Variants in NRXN3 observed in about 807,000 individuals in gnomAD.
NRXN3 encodes the protein neurexin 3, also known as neurexin III.
A neutral mutation model predicts 137.6 loss-of-function variants in NRXN3; 32 were observed. The observed-to-expected ratio is 0.23, with a 90% CI of 0.18 to 0.31. The LOEUF (loss-of-function observed/expected upper bound fraction) is 0.31. Ranked by LOEUF, NRXN3 falls within the 10% of genes least tolerant of loss-of-function variation. The probability of loss-of-function intolerance (pLI) is 1.00; values close to 1 mark genes in which losing one functional copy is unlikely to be tolerated. For missense variants in NRXN3, 1,574 were observed against 2,062.5 expected, an observed-to-expected ratio of 0.76 and a Z score of 4.59; for synonymous variants, 798 against 784.5, an observed-to-expected ratio of 1.02 and a Z score of -0.29.
chr14:79,101,180 A>G (rs1433182121), intron 15 of NRXN3, among the ~76,000 whole-genome samples: 1 of 152,180 alleles, frequency 6.6e-6, no homozygotes, highest in African/African-American at 2.4e-5. Flanking sequence ...GCCATGTCGA[A>G]AAGGAGGGGA....
chr14:79,370,763 T>C (rs1258417809), intron 15 of NRXN3, among the ~76,000 whole-genome samples: 2 of 152,196 alleles, frequency 1.3e-5, no homozygotes, highest in Non-Finnish European at 2.9e-5. Flanking sequence ...ACTTTCTTCT[T>C]CTTTTCAATA....
chr14:79,226,841 A>G (rs1433014767), intron 15 of NRXN3, among the ~76,000 whole-genome samples: 4 of 111,352 alleles, frequency 3.6e-5, no homozygotes, highest in South Asian at 2.7e-4. Flanking sequence ...TTTGAGACAG[A>G]GTCTTGCTCT....
intron 6 of NRXN3, chr14:78,698,293 C>G (rs1233096309): frequency 1.3e-5 from 2 of 152,046 alleles, no homozygotes; most frequent in East Asian, 3.8e-4. Flanking sequence ...CTTAAAGGTT[C>G]TATTTCATTG....
intron 15 of NRXN3, among the ~76,000 whole-genome samples, chr14:79,004,415 T>C (rs974548532): frequency 6.6e-6 from 1 of 152,214 alleles, no homozygotes; most frequent in African/African-American, 2.4e-5. Context: ...CCAGCTACTT[T>C]GGCATTTTTG....
intron 16 of NRXN3, among the ~76,000 whole-genome samples, chr14:79,499,854 G>A (rs929716494): frequency 2.6e-5 from 4 of 151,728 alleles, no homozygotes. Flanking sequence ...TTGTTCATTT[G>A]TTCATTCATT....
intron 4 of NRXN3, among the ~76,000 whole-genome samples, chr14:78,608,560 A>G (rs74064320): frequency 0.036 from 5,496 of 152,302 alleles, 354 homozygotes; most frequent in African/African-American, 0.13. Context: ...ACCAACAAGG[A>G]AAACCTTCTT....
chr14:78,303,492 T>C (rs908656267), intron 4 of NRXN3, among the ~76,000 whole-genome samples: 3 of 152,160 alleles, frequency 2.0e-5, no homozygotes, highest in Non-Finnish European at 2.9e-5. Context: ...AAAGTGAAAA[T>C]AAAGCAAAAT....
chr14:79,017,322 A>G (rs2099580978), intron 15 of NRXN3, among the ~76,000 whole-genome samples: 1 of 151,694 alleles, frequency 6.6e-6, no homozygotes, highest in Non-Finnish European at 1.5e-5. Context: ...GGTTACCACA[A>G]AATACGTAAT....
intron 16 of NRXN3, among the ~76,000 whole-genome samples, chr14:79,659,190 C>T (rs1261438411): frequency 8.4e-6 from 1 of 119,174 alleles, no homozygotes; most frequent in Non-Finnish European, 1.5e-5. Context: ...CTGTGCTGTT[C>T]AGTTTTTTTT....
At chr14:79,261,581 TC>T (rs1364214454) in intron 15 of NRXN3, among the ~76,000 whole-genome samples, 1 of 119,222 alleles carries the variant, frequency 8.4e-6, no homozygotes, top group Non-Finnish European at 1.6e-5. Context: ...TGAGATGAAA[TC>T]CCACAGATAA....
At chr14:78,826,568 T>C (rs2098967401) in intron 10 of NRXN3, among the ~76,000 whole-genome samples, 1 of 152,222 alleles carries the variant, frequency 6.6e-6, no homozygotes, top group South Asian at 2.1e-4. Context: ...ACTGCACTGG[T>C]TGCATACCTT....
intron 15 of NRXN3, among the ~76,000 whole-genome samples, chr14:79,160,434 C>T (rs2060651577): frequency 6.6e-6 from 1 of 151,910 alleles, no homozygotes. Flanking sequence ...CACCTGCATC[C>T]TCACACATCG....
intron 6 of NRXN3, among the ~76,000 whole-genome samples, chr14:78,681,129 C>G (rs2098070939): frequency 6.6e-6 from 1 of 152,144 alleles, no homozygotes; most frequent in Non-Finnish European, 1.5e-5. Context: ...TCAATTCTTT[C>G]TATGACACAG....
intron 19 of NRXN3, among the ~76,000 whole-genome samples, chr14:79,714,664 A>T (rs1027110491): frequency 2.0e-5 from 3 of 152,172 alleles, no homozygotes; most frequent in African/African-American, 7.2e-5. Context: ...ATTACATAAA[A>T]CAATGCCAGT....
At chr14:78,714,701 T>C in intron 7 of NRXN3, 55 bp from the exon 8 acceptor site, 1 of 1,585,550 alleles carries the variant, frequency 6.3e-7, no homozygotes, top group Non-Finnish European at 8.6e-7. Context: ...GTTAGGTTTC[T>C]TACATTTGGT....
intron 4 of NRXN3, among the ~76,000 whole-genome samples, chr14:78,352,011 C>T (rs1401329469): frequency 3.3e-5 from 5 of 150,354 alleles, no homozygotes; most frequent in East Asian, 2.0e-4. Flanking sequence ...TGGTTGAATC[C>T]GGGAGGCAGA....
chr14:78,901,543 T>A (rs1441089589), intron 10 of NRXN3, among the ~76,000 whole-genome samples: 1 of 152,080 alleles, frequency 6.6e-6, no homozygotes, highest in Non-Finnish European at 1.5e-5. Context: ...AATGATATGA[T>A]CTCTATCAAA....
At chr14:79,860,980 G>T (rs2099412899) in intron 20 of NRXN3, 3 of 1,032,938 alleles carry the variant, frequency 2.9e-6, no homozygotes, top group Non-Finnish European at 4.0e-6. Context: ...AATGACGTTG[G>T]TTGAGTGAGA....
At chr14:79,853,942 A>C (rs1054087942) in intron 20 of NRXN3, 4 of 987,402 alleles carry the variant, frequency 4.1e-6, no homozygotes, top group Non-Finnish European at 4.8e-6. Context: ...GCCCTCCCAA[A>C]CCCCCCAAAG....
Sources: allele counts gnomAD v4.1 joint callset (sites outside exome capture counted in the v4.1 genomes callset), GRCh38; gene constraint gnomAD v4.1.1; transcripts MANE v1.5; gene names NCBI Gene and HGNC (gene_info 2026-07-23, HGNC 2026-07-21).